Variants in THSD4 observed in about 807,000 individuals in gnomAD.
The protein encoded by THSD4 is thrombospondin type 1 domain containing 4, also known as thrombospondin type-1 domain-containing protein 4.
In THSD4, 69 loss-of-function variants were observed where a neutral mutation model predicts 119.0. That is an observed-to-expected ratio of 0.58 (90% CI 0.48 to 0.71). The LOEUF (loss-of-function observed/expected upper bound fraction) is 0.71. THSD4 is among the 30% of genes least tolerant of loss of function. The probability of loss-of-function intolerance (pLI) is 0.00; values close to 1 mark genes in which losing one functional copy is unlikely to be tolerated. For missense variants in THSD4, 1,393 were observed against 1,391.1 expected (o/e 1.00, Z -0.02); for synonymous variants, 524 against 540.4 (o/e 0.97, Z 0.42).
chr15:71,607,083 C>T (rs2050124565), intron 7 of THSD4, among the ~76,000 whole-genome samples: 1 of 152,104 alleles, frequency 6.6e-6, no homozygotes, highest in African/African-American at 2.4e-5. Flanking sequence ...GAAGGAGATA[C>T]AAATGGAGAT....
chr15:71,163,735 C>T (rs1402445912), intron 3 of THSD4, among the ~76,000 whole-genome samples: 1 of 150,450 alleles, frequency 6.6e-6, no homozygotes, highest in African/African-American at 2.5e-5. Flanking sequence ...GTCTCGTTTC[C>T]TGAGCAGTCC....
chr15:71,346,905 A>T (rs1398139267), intron 6 of THSD4, among the ~76,000 whole-genome samples: 2 of 108,934 alleles, frequency 1.8e-5, no homozygotes, highest in African/African-American at 7.4e-5. Context: ...ACGGAGTCTC[A>T]CTCTGTTGCC....
chr15:71,750,816 G>A (rs991771156), intron 14 of THSD4, among the ~76,000 whole-genome samples: 8 of 152,226 alleles, frequency 5.3e-5, no homozygotes, highest in African/African-American at 1.7e-4. Context: ...GCTCATCCTA[G>A]TTCTTCGGTG....
intron 8 of THSD4, among the ~76,000 whole-genome samples, chr15:71,700,224 T>C (rs2052257657): frequency 6.6e-6 from 1 of 152,202 alleles, no homozygotes; most frequent in South Asian, 2.1e-4. Flanking sequence ...TTAGACCTAA[T>C]CATATATTCA....
Position 71,318,971 on chromosome 15 carries a change from C to G in THSD4, c.1015+62256C>G, listed in dbSNP as rs572185550. ...TTTTATTTCTCAGAGTTTCAGTTTC[C>G]TCAGTTTCAAAATGAGGATGATCAT... On this transcript the variant is annotated intron_variant, in intron 6 of 17. Coordinates refer to ENST00000261862, the MANE Select transcript of THSD4 (RefSeq NM_024817.3). 7.2e-5 allele frequency among the ~76,000 whole-genome samples: 11 copies of G among 152,258 alleles called. No homozygotes were observed. In the East Asian group the frequency reaches 2.1e-3, roughly 29 times the overall value.
chr15:71,559,595 G>A (rs1187323971), intron 7 of THSD4, among the ~76,000 whole-genome samples: 5 of 151,292 alleles, frequency 3.3e-5, no homozygotes, highest in Admixed American at 1.3e-4. Flanking sequence ...TGTTTATTGG[G>A]CAAGTAATTT....
Position 71,737,829 on chromosome 15 carries a change from G to T in THSD4, c.1728G>T (p.Glu576Asp). Residue 576 changes from glutamate (E) to aspartate (D), a missense_variant, in exon 11 of 18, where the codon GAG (glutamate) becomes GAT (aspartate). Physicochemically the swap from Glu to Asp is conservative, Grantham distance 45. Coordinates refer to ENST00000261862, the MANE Select transcript of THSD4 (RefSeq NM_024817.3). The stretch of plus-strand genomic sequence containing the variant: ...AGGAGAAGGAAGACTTGCGTGGGGA[G>T]GCCCCTGAGATGTTCACCTCAGAAT... ...RNEEKEDLRG[E>D]APEMFTSESA... The T allele has an allele frequency of 6.2e-7, 1 of 1,614,254 alleles. No homozygotes were observed. The highest frequency in any genetic ancestry group is 8.5e-7 in the Non-Finnish European group (1 of 1,180,042).
chr15:71,226,492 C>G (rs953947080), intron 4 of THSD4, among the ~76,000 whole-genome samples: 2 of 152,224 alleles, frequency 1.3e-5, no homozygotes, highest in Non-Finnish European at 1.5e-5. Context: ...ATTCCCACCT[C>G]CCCTGGAAAC....
At chr15:71,136,017 T>TTTA (rs869064530) in intron 1 of THSD4, among the ~76,000 whole-genome samples, 18 of 104,586 alleles carry the variant, frequency 1.7e-4, no homozygotes, top group African/African-American at 5.3e-4. Flanking sequence ...TTTTTTTTTT[T>TTTA]AAGACTCCAG....
chr15:71,764,909 T>G, intron 15 of THSD4, 111 bp from the exon 16 acceptor site: 1 of 1,356,838 alleles, frequency 7.4e-7, no homozygotes, highest in Non-Finnish European at 1.0e-6. Context: ...TTCTTCCTCC[T>G]AGAATTGGTG....
At position 71,690,582 on chromosome 15, in the gene THSD4, A is replaced by G. The variant is rs2052026473; in HGVS notation, c.1357+29848A>G. On this transcript the variant is annotated intron_variant, in intron 8 of 17. Transcript: ENST00000261862. ...GTGAACATGTTAAGTTACATGGTGTATTAGTCCATTTCACACTGCTGATAA... is the reference window on the plus strand; with the variant it reads ...GTGAACATGTTAAGTTACATGGTGTGTTAGTCCATTTCACACTGCTGATAA... 3.9e-5 allele frequency among the ~76,000 whole-genome samples: 6 copies of G among 152,208 alleles called. No individual in the cohort carries two copies. In the South Asian group the frequency reaches 1.0e-3, roughly 26 times the overall value.
In THSD4 at chr15:71,237,515, T is replaced by C. The variant is rs1191927241; in HGVS notation, c.465-5134T>C. ...GACTTCGAAGTGACACGTGGAGCTATCAAAGTGCAGTCCCAGGACCCACCA... is the reference window on the plus strand; with the variant it reads ...GACTTCGAAGTGACACGTGGAGCTACCAAAGTGCAGTCCCAGGACCCACCA... On this transcript the variant is annotated intron_variant, in intron 4 of 17. Transcript: ENST00000261862. 5.3e-5 allele frequency among the ~76,000 whole-genome samples: 8 copies of C among 152,180 alleles called. No individual in the cohort carries two copies. In the East Asian group the frequency reaches 1.2e-3, roughly 22 times the overall value.
chr15:71,754,292 G>A (rs2053500498), intron 14 of THSD4, among the ~76,000 whole-genome samples: 1 of 152,048 alleles, frequency 6.6e-6, no homozygotes, highest in Non-Finnish European at 1.5e-5. Context: ...GTTTCACTAT[G>A]TTGGCCAGGC....
rs192159683 is a variant in THSD4, at chr15:71,741,238, C to G, written c.1906+3231C>G. Among the ~76,000 whole-genome samples the G allele has an allele frequency of 1.8e-3, 275 of 152,238 alleles. 1 individual carries two copies. The highest frequency in any genetic ancestry group is 6.2e-3 in the African/African-American group (258 of 41,544). On this transcript the variant is annotated intron_variant, in intron 11 of 17. Transcript: ENST00000261862. Reference sequence around the variant, plus strand: ...GGGCATGGTGGCTCATACCTGTAATCGAAGCATTTTGGGAGGCCAAGGCAG... The same window carrying G: ...GGGCATGGTGGCTCATACCTGTAATGGAAGCATTTTGGGAGGCCAAGGCAG...
At chr15:71,341,574 A>G in intron 6 of THSD4, 2 of 1,607,456 alleles carry the variant, frequency 1.2e-6, no homozygotes. Flanking sequence ...TCTTTCAGAT[A>G]CTTCGTGGCT....
chr15:71,720,482 A>C (rs932199688), intron 8 of THSD4, among the ~76,000 whole-genome samples: 7 of 152,352 alleles, frequency 4.6e-5, no homozygotes, highest in Non-Finnish European at 1.0e-4. Context: ...ATGAATATCT[A>C]TATGATTTCC....
At chr15:71,659,347 T>C (rs2051253046) in intron 7 of THSD4, among the ~76,000 whole-genome samples, 1 of 152,206 alleles carries the variant, frequency 6.6e-6, no homozygotes, top group Non-Finnish European at 1.5e-5. Flanking sequence ...TCCTGAGCCC[T>C]GTGAGGTCAG....
intron 8 of THSD4, among the ~76,000 whole-genome samples, chr15:71,676,687 C>G (rs1212256813): frequency 6.6e-6 from 1 of 152,192 alleles, no homozygotes; most frequent in East Asian, 1.9e-4. Context: ...ATGCACTGAC[C>G]TATTCTAGGA....
chr15:71,123,543 G>A lies in THSD4; in HGVS notation c.-80+7845G>A, dbSNP rs1021539636. Reference sequence around the variant, plus strand: ...CTTCTTTCTTCTTACAGATGAAGAAGGTGTATTCTTGCCTGGGAGTGTGAG... The same window carrying A: ...CTTCTTTCTTCTTACAGATGAAGAAAGTGTATTCTTGCCTGGGAGTGTGAG... On this transcript the variant is annotated intron_variant, in intron 1 of 17. Coordinates refer to ENST00000261862, the MANE Select transcript of THSD4 (RefSeq NM_024817.3). Among the ~76,000 whole-genome samples the A allele has an allele frequency of 9.8e-5, 15 of 152,290 alleles. No individual in the cohort carries two copies. In the East Asian group the frequency reaches 2.7e-3, roughly 27 times the overall value.
Sources: gnomAD v4.1 joint callset for allele counts (sites outside exome capture counted in the v4.1 genomes callset) on GRCh38, gnomAD v4.1.1 for gene constraint, MANE v1.5 for transcripts, NCBI Gene and HGNC (gene_info 2026-07-23, HGNC 2026-07-21) for gene names.